The following EFNA5 variants were observed in gnomAD, a reference collection of about 807,000 sequenced individuals.
EFNA5 encodes ephrin-A5.
Under a neutral mutation model 22.9 loss-of-function variants are expected in EFNA5, and 5 were observed. That is an observed-to-expected ratio of 0.22 (90% CI 0.11 to 0.46). The LOEUF (loss-of-function observed/expected upper bound fraction) is 0.46, where lower values mean the gene tolerates loss of function less well. Among genes scored for constraint, EFNA5 ranks in the 20% least tolerant of loss-of-function variants. EFNA5 has a pLI of 0.99. For synonymous variants in EFNA5, 113 were observed against 112.2 expected (o/e 1.01, Z -0.04); for missense variants, 237 against 293.3 (o/e 0.81, Z 1.40).
chr5:107,576,288 G>A (rs76740852), intron 1 of EFNA5, among the ~76,000 whole-genome samples: 3,781 of 152,166 alleles, frequency 0.025, 138 homozygotes, highest in African/African-American at 0.086. Flanking sequence ...GGACCATCAC[G>A]GCAATCACAT....
intron 1 of EFNA5, among the ~76,000 whole-genome samples, chr5:107,550,771 T>C (rs1368378840): frequency 6.6e-6 from 1 of 152,218 alleles, no homozygotes; most frequent in East Asian, 1.9e-4. Context: ...TAATCTGCAA[T>C]GTGACTTCTA....
intron 4 of EFNA5, among the ~76,000 whole-genome samples, chr5:107,386,065 A>G (rs1437118879): frequency 7.0e-6 from 1 of 142,032 alleles, no homozygotes; most frequent in Admixed American, 7.6e-5. Flanking sequence ...TTCATTGACT[A>G]TGCAGTCCTG....
chr5:107,469,912 A>G (rs1159871623), intron 1 of EFNA5, among the ~76,000 whole-genome samples: 1 of 152,200 alleles, frequency 6.6e-6, no homozygotes, highest in Non-Finnish European at 1.5e-5. Context: ...AACTCTTTCT[A>G]GCAATGAAAT....
At chr5:107,431,443 G>T (rs1748956122) in intron 1 of EFNA5, among the ~76,000 whole-genome samples, 1 of 152,136 alleles carries the variant, frequency 6.6e-6, no homozygotes, top group African/African-American at 2.4e-5. Context: ...GCTAATATTA[G>T]AGTGCTTATT....
intron 1 of EFNA5, among the ~76,000 whole-genome samples, chr5:107,486,557 C>T (rs1746627575): frequency 6.6e-6 from 1 of 152,178 alleles, no homozygotes; most frequent in Non-Finnish European, 1.5e-5. Flanking sequence ...CTTTCTTCTC[C>T]TTCTGGGCGT....
At chr5:107,582,756 A>G (rs942731855) in intron 1 of EFNA5, among the ~76,000 whole-genome samples, 16 of 151,950 alleles carry the variant, frequency 1.1e-4, no homozygotes, top group African/African-American at 3.1e-4. Context: ...CAAAAAAAAA[A>G]AAGTAAAAAT....
At chr5:107,443,124 G>A (rs183185827) in intron 1 of EFNA5, among the ~76,000 whole-genome samples, 1 of 152,202 alleles carries the variant, frequency 6.6e-6, no homozygotes, top group African/African-American at 2.4e-5. Flanking sequence ...TTGCTTATTG[G>A]CCTATATTAA....
At chr5:107,637,760 A>G (rs942527487) in intron 1 of EFNA5, among the ~76,000 whole-genome samples, 1 of 149,074 alleles carries the variant, frequency 6.7e-6, no homozygotes, top group Admixed American at 6.7e-5. Context: ...ATATAATCAC[A>G]TATGTAATAA....
intron 1 of EFNA5, among the ~76,000 whole-genome samples, chr5:107,542,299 A>G (rs1440478112): frequency 1.3e-5 from 2 of 152,220 alleles, no homozygotes; most frequent in Non-Finnish European, 2.9e-5. Context: ...GTCAAAGAAT[A>G]AAAAGTCAAC....
intron 1 of EFNA5, among the ~76,000 whole-genome samples, chr5:107,560,647 G>C (rs1748515173): frequency 6.6e-6 from 1 of 152,178 alleles, no homozygotes; most frequent in South Asian, 2.1e-4. Context: ...TGTGTAGCAA[G>C]GACAAGTGGC....
chr5:107,612,509 T>C (rs1749837781), intron 1 of EFNA5, among the ~76,000 whole-genome samples: 1 of 151,606 alleles, frequency 6.6e-6, no homozygotes, highest in Non-Finnish European at 1.5e-5. Flanking sequence ...TGAAATGCAA[T>C]TTAAAAAAAA....
At chr5:107,481,887 TAGAG>T (rs1750476324) in intron 1 of EFNA5, among the ~76,000 whole-genome samples, 1 of 150,718 alleles carries the variant, frequency 6.6e-6, no homozygotes, top group Non-Finnish European at 1.5e-5. Flanking sequence ...AAAGGGATGA[TAGAG>T]AGTCAGGGTT....
At chr5:107,664,426 C>A (rs576064180) in intron 1 of EFNA5, among the ~76,000 whole-genome samples, 8 of 152,226 alleles carry the variant, frequency 5.3e-5, no homozygotes, top group African/African-American at 1.9e-4. Context: ...TTCAGAAGCA[C>A]TGGAAGTTCA....
At chr5:107,664,461 C>T (rs1751028741) in intron 1 of EFNA5, among the ~76,000 whole-genome samples, 2 of 152,012 alleles carry the variant, frequency 1.3e-5, no homozygotes, top group African/African-American at 4.8e-5. Context: ...AACTTTTCTA[C>T]AAAACAGCTC....
intron 2 of EFNA5, among the ~76,000 whole-genome samples, chr5:107,403,580 A>T (rs1037073349): frequency 2.0e-5 from 3 of 152,248 alleles, no homozygotes; most frequent in Non-Finnish European, 4.4e-5. Flanking sequence ...ATAATAAAAT[A>T]GTTATTTGTC....
At position 107,526,986 on chromosome 5, in the gene EFNA5, A is replaced by G. The variant is rs528240748; in HGVS notation, c.126-99477T>C. 3.3e-5 allele frequency among the ~76,000 whole-genome samples: 5 copies of G among 152,340 alleles called. No homozygotes were observed. The South Asian group carries it at 1.0e-3, about 32-fold the overall frequency. On this transcript the variant is annotated intron_variant, in intron 1 of 4. Coordinates refer to ENST00000333274, the MANE Select transcript of EFNA5 (RefSeq NM_001962.3). The stretch of plus-strand genomic sequence containing the variant: ...TAGGTACCACATGTTTTGATACAGA[A>G]TAACCAACCATATTAGCCACAAAAT...
intron 1 of EFNA5, among the ~76,000 whole-genome samples, chr5:107,633,185 G>A (rs1454827086): frequency 1.3e-5 from 2 of 152,030 alleles, no homozygotes; most frequent in Non-Finnish European, 2.9e-5. Flanking sequence ...AATACCAATG[G>A]GGTCAAGACT....
chr5:107,397,106 T>C (rs1275347617), intron 2 of EFNA5, among the ~76,000 whole-genome samples: 1 of 151,986 alleles, frequency 6.6e-6, no homozygotes, highest in African/African-American at 2.4e-5. Context: ...TGTATACTAT[T>C]TGGGTTAGCC....
chr5:107,500,144 A>G (rs887451670), intron 1 of EFNA5, among the ~76,000 whole-genome samples: 2 of 152,210 alleles, frequency 1.3e-5, no homozygotes, highest in Non-Finnish European at 2.9e-5. Flanking sequence ...GTGTCAAAGC[A>G]GAACCTCCAT....
Sources: gnomAD v4.1 joint callset for allele counts (sites outside exome capture counted in the v4.1 genomes callset) on GRCh38, gnomAD v4.1.1 for gene constraint, MANE v1.5 for transcripts, NCBI Gene and HGNC (gene_info 2026-07-23, HGNC 2026-07-21) for gene names.